The following GON4L variants were observed in gnomAD, a reference collection of about 807,000 sequenced individuals.
GON4L encodes GON-4-like protein.
In GON4L, 87 loss-of-function variants were observed where a neutral mutation model predicts 211.8. The ratio of observed to expected loss-of-function variants is 0.41; its 90% confidence interval spans 0.35 to 0.49. GON4L has a LOEUF of 0.49. Ranked by LOEUF, GON4L falls within the 20% of genes least tolerant of loss-of-function variation. The pLI, the probability that GON4L is intolerant of heterozygous loss-of-function variation, is 0.15. For missense variants in GON4L, 2,155 were observed against 2,659.5 expected (o/e 0.81, Z 4.17); for synonymous variants, 875 against 962.6 (o/e 0.91, Z 1.68).
chr1:155,779,879 C>T (rs920653088), intron 14 of GON4L, among the ~76,000 whole-genome samples: 3 of 151,976 alleles, frequency 2.0e-5, no homozygotes, highest in Non-Finnish European at 2.9e-5. Flanking sequence ...CTCACTGCAA[C>T]CTCTGTCTCC....
At position 155,805,138 on chromosome 1, in the gene GON4L, T is replaced by C. The variant is rs1667016670; in HGVS notation, c.1456A>G (p.Met486Val). Reference protein sequence around the residue: ...SPVCMDSFQPMDDSLIAFRTR... With the variant: ...SPVCMDSFQPVDDSLIAFRTR... ...CGAAATGCAATGAGACTGTCATCCA[T>C]GGGCTGGACAATGGAGAAAGAAAAG... The change falls in exon 11 of 32, where the codon ATG becomes GTG. Residue 486 changes from methionine to valine, a missense_variant. Met to Val is a conservative substitution (Grantham distance 21, BLOSUM62 1). Around this residue, in one of 6 missense-constraint regions of GON4L, gnomAD observed 551 missense variants for 854.0 expected, o/e 0.65. Coordinates refer to ENST00000368331, the MANE Select transcript of GON4L (RefSeq NM_001282860.2). 6.2e-7 allele frequency: 1 copy of C among 1,611,368 alleles called. No individual in the cohort carries two copies. The highest frequency in any genetic ancestry group is 8.5e-7 in the Non-Finnish European group (1 of 1,177,436).
At chr1:155,827,405 A>G (rs747364328) in intron 2 of GON4L, among the ~76,000 whole-genome samples, 24 of 152,228 alleles carry the variant, frequency 1.6e-4, no homozygotes, top group Non-Finnish European at 3.1e-4. Context: ...TTGGCAGAGC[A>G]GAAGAGTAAC....
intron 22 of GON4L, among the ~76,000 whole-genome samples, chr1:155,762,808 C>A (rs982891325): frequency 1.3e-5 from 2 of 152,048 alleles, no homozygotes; most frequent in Admixed American, 1.3e-4. Flanking sequence ...GAGGCCGAGG[C>A]GGGTGGATCA....
At chr1:155,750,790 G>GTC in intron 31 of GON4L, 57 bp from the exon 32 acceptor site, 1 of 1,510,078 alleles carries the variant, frequency 6.6e-7, no homozygotes, top group African/African-American at 1.4e-5. Flanking sequence ...TTGAGACGGA[G>GTC]TCTCTCTCTG....
chr1:155,808,369 C>A (rs1213360907), intron 10 of GON4L, among the ~76,000 whole-genome samples: 1 of 152,134 alleles, frequency 6.6e-6, no homozygotes, highest in Non-Finnish European at 1.5e-5. Context: ...AAAATCTACA[C>A]CCCTTATCAT....
intron 18 of GON4L, 126 bp downstream of exon 18, chr1:155,772,940 C>T: frequency 1.6e-6 from 2 of 1,283,628 alleles, no homozygotes; most frequent in Non-Finnish European, 2.3e-6. Flanking sequence ...ATCTATATTG[C>T]TTTTCCTTTT....
At chr1:155,786,388 G>C (rs964010746) in intron 12 of GON4L, among the ~76,000 whole-genome samples, 2 of 152,034 alleles carry the variant, frequency 1.3e-5, no homozygotes, top group Non-Finnish European at 2.9e-5. Flanking sequence ...AATTTAGCTG[G>C]GCTTGGTGAC....
intron 2 of GON4L, chr1:155,845,402 GTA>G (rs1671141098): frequency 3.5e-5 from 11 of 313,312 alleles, no homozygotes; most frequent in South Asian, 3.2e-4. Context: ...GCAGAAGGTG[GTA>G]GTCCACCCCC....
intron 16 of GON4L, among the ~76,000 whole-genome samples, 200 bp downstream of exon 16, chr1:155,776,195 C>T (rs1663801450): frequency 6.6e-6 from 1 of 152,166 alleles, no homozygotes; most frequent in South Asian, 2.1e-4. Context: ...AAATTGAATA[C>T]ACTCCTTGTC....
intron 2 of GON4L, chr1:155,846,465 G>A (rs111422504): frequency 0.064 from 9,518 of 149,048 alleles, 388 homozygotes; most frequent in African/African-American, 0.11. Flanking sequence ...GGAGCTTGCA[G>A]GGAGCCGAGA....
chr1:155,823,545 G>A (rs780371743), intron 3 of GON4L, among the ~76,000 whole-genome samples: 5 of 152,050 alleles, frequency 3.3e-5, no homozygotes, highest in Admixed American at 6.6e-5. Context: ...AACCTACATA[G>A]CAATGAAGGT....
At chr1:155,805,393 C>T (rs1321901682) in intron 10 of GON4L, among the ~76,000 whole-genome samples, 1 of 151,948 alleles carries the variant, frequency 6.6e-6, no homozygotes, top group Admixed American at 6.6e-5. Flanking sequence ...TAAAATTTAC[C>T]CTTTTAAAGT....
chr1:155,777,949 C>T, intron 14 of GON4L, 129 bp from the exon 15 acceptor site: 1 of 713,790 alleles, frequency 1.4e-6, no homozygotes, highest in Non-Finnish European at 2.5e-6. Flanking sequence ...CTCACTTTAG[C>T]CAACAGTCAA....
At chr1:155,856,881 G>A (rs571611552) in intron 1 of GON4L, among the ~76,000 whole-genome samples, 1 of 151,986 alleles carries the variant, frequency 6.6e-6, no homozygotes, top group East Asian at 1.9e-4. Context: ...AGTCGGACCA[G>A]CAGGGTGAAT....
chr1:155,786,845 C>T (rs1400681030), intron 12 of GON4L, among the ~76,000 whole-genome samples: 1 of 152,024 alleles, frequency 6.6e-6, no homozygotes, highest in Non-Finnish European at 1.5e-5. Context: ...TGGGCTCCAG[C>T]GATCCTCCCA....
intron 16 of GON4L, among the ~76,000 whole-genome samples, chr1:155,776,068 C>T (rs867473316): frequency 1.3e-5 from 2 of 152,276 alleles, no homozygotes; most frequent in South Asian, 2.1e-4. Flanking sequence ...CAGGCATAGC[C>T]ACCGTGCCCA....
intron 10 of GON4L, among the ~76,000 whole-genome samples, chr1:155,805,548 G>A (rs1444339834): frequency 6.6e-6 from 1 of 151,936 alleles, no homozygotes; most frequent in East Asian, 1.9e-4. Flanking sequence ...CCCCTGTTAA[G>A]CATTAATCTA....
intron 18 of GON4L, among the ~76,000 whole-genome samples, chr1:155,771,741 G>A (rs1663214269): frequency 6.6e-6 from 1 of 152,100 alleles, no homozygotes; most frequent in African/African-American, 2.4e-5. Context: ...GCCTCTCAAA[G>A]TGCTGGTATT....
In GON4L at chr1:155,843,059, C is replaced by T. The variant is rs184851956; in HGVS notation, c.505+10217G>A. 8.5e-5 allele frequency among the ~76,000 whole-genome samples: 13 copies of T among 152,220 alleles called. No individual in the cohort carries two copies. In the East Asian group the frequency reaches 2.5e-3, roughly 29 times the overall value. On this transcript the variant is annotated intron_variant, in intron 2 of 31. Coordinates refer to ENST00000368331, the MANE Select transcript of GON4L (RefSeq NM_001282860.2). ...CACCATGACCTACACCTGCAAACCT[C>T]TGGAAGACTTAAAGTTGCTATTTCA...
Sources: gnomAD v4.1 joint callset for allele counts (sites outside exome capture counted in the v4.1 genomes callset) on GRCh38, gnomAD v4.1.1 for gene constraint, gnomAD v4.1.1 regional missense constraint, MANE v1.5 for transcripts, NCBI Gene and HGNC (gene_info 2026-07-23, HGNC 2026-07-21) for gene names.